Variants in CAMK2G observed in about 807,000 individuals in gnomAD.
CAMK2G encodes the protein calcium/calmodulin dependent protein kinase II gamma.
CAMK2G carries 23 observed loss-of-function variants against 88.7 expected under a neutral mutation model. The ratio of observed to expected loss-of-function variants is 0.26; its 90% CI spans 0.19 to 0.37. CAMK2G has a LOEUF of 0.37. CAMK2G is among the 10% of genes least tolerant of loss of function. The pLI is 1.00. For missense variants in CAMK2G, 476 were observed against 780.8 expected, an observed-to-expected ratio of 0.61 and a Z score of 4.65; for synonymous variants, 263 against 294.8, an observed-to-expected ratio of 0.89 and a Z score of 1.11.
At chr10:73,841,866 T>C (rs2093811529) in intron 12 of CAMK2G, 1 of 335,638 alleles carries the variant, frequency 3.0e-6, no homozygotes, top group East Asian at 6.1e-5. Context: ...GGCTAAAATC[T>C]GTAAAGTGCT....
intron 19 of CAMK2G, chr10:73,818,502 T>A: frequency 2.8e-6 from 1 of 360,624 alleles, no homozygotes; most frequent in Non-Finnish European, 5.5e-6. Flanking sequence ...CCACAACCCT[T>A]TCCTCACAGG....
At chr10:73,843,075 A>AT (rs11354408) in intron 10 of CAMK2G, among the ~76,000 whole-genome samples, 125 of 145,078 alleles carry the variant, frequency 8.6e-4, no homozygotes, top group African/African-American at 1.2e-3. Flanking sequence ...TCTGGATGTA[A>AT]TTTTTTTTTT....
intron 3 of CAMK2G, 146 bp downstream of exon 3, chr10:73,860,684 A>G: frequency 1.5e-6 from 1 of 678,830 alleles, no homozygotes; most frequent in South Asian, 1.8e-5. Flanking sequence ...CAGAATTCTG[A>G]GACACAGTTG....
intron 21 of CAMK2G, chr10:73,816,599 T>G: frequency 1.7e-6 from 1 of 598,756 alleles, no homozygotes; most frequent in South Asian, 1.9e-5. Context: ...TAGCTGGGAC[T>G]ACAGGCACCG....
chr10:73,860,839 G>C lies in CAMK2G; in HGVS notation c.211C>G (p.Pro71Ala). 1 of 1,612,856 alleles carries C rather than the reference G, an allele frequency of 6.2e-7. No individual in the cohort carries two copies. Among genetic ancestry groups the C allele is most frequent in the Non-Finnish European group, 8.5e-7 (1 of 1,178,852 alleles). ...ATGCCCAGGCACTCACCGATGTTTG[G>C]ATGTTTCAGAAGTCGACATATCCGA... is the stretch of plus-strand genomic sequence containing the variant. ...EARICRLLKH[P>A]NIVRLHDSIS... The change falls in exon 3 of 23, where the codon CCA becomes GCA. Residue 71 changes from proline (P) to alanine (A), a missense_variant. Pro to Ala is a conservative substitution (Grantham distance 27, BLOSUM62 -1). Around this residue, in one of 3 missense-constraint regions of CAMK2G, gnomAD observed 164 missense variants for 385.6 expected, o/e 0.43. Transcript: ENST00000423381.
chr10:73,839,579 G>A lies in CAMK2G; in HGVS notation c.969C>T (p.Pro323=), dbSNP rs2093593931. Residue 323 remains proline, a synonymous_variant, in exon 13 of 23, where the codon CCC becomes CCT. Transcript: ENST00000423381. This position sits in a 1 kb window ranked among gnomAD's most constrained non-coding sequence, Gnocchi z 4.2. ...CGGCGGCGCTCGCGGCAGGCGAGGCGGGGGCGGAGCTCTGCCTGCCAACTG... is the reference window on the plus strand; with the variant it reads ...CGGCGGCGCTCGCGGCAGGCGAGGCAGGGGCGGAGCTCTGCCTGCCAACTG... ...NFSVGRQSSA[P]ASPAASAAGL... is the part of the protein sequence containing the mutation. 1.2e-5 allele frequency: 15 copies of A among 1,233,958 alleles called. No individual in the cohort carries two copies. The highest frequency in any genetic ancestry group is 9.5e-5 in the East Asian group (3 of 31,664). The allele number at this position is 1,233,958 out of a possible 1,614,324, so 76.4% of individuals were successfully genotyped here.
chr10:73,828,217 T>G, intron 14 of CAMK2G, 96 bp from the exon 15 acceptor site: 3 of 1,012,568 alleles, frequency 3.0e-6, no homozygotes, highest in African/African-American at 1.6e-5. Flanking sequence ...GTGTGGGCTC[T>G]GCATCAGGGA....
rs142288992 is a variant in CAMK2G at position 73,861,694 on chromosome 10, A to G, written c.161-805T>C. Among the ~76,000 whole-genome samples, 290 of 152,308 alleles carry G rather than the reference A, an allele frequency of 1.9e-3. 1 individual carries two copies. The highest frequency in any genetic ancestry group is 6.7e-3 in the African/African-American group (277 of 41,554). ...TTGTTAGGAACACTAATAATAGCTA[A>G]GTTATACTGAGCACCTAATATATAC... On this transcript the variant is annotated intron_variant, in intron 2 of 22. Coordinates refer to ENST00000423381, the MANE Select transcript of CAMK2G (RefSeq NM_001367534.1).
At chr10:73,864,186 C>T (rs941131777) in intron 2 of CAMK2G, among the ~76,000 whole-genome samples, 1 of 152,040 alleles carries the variant, frequency 6.6e-6, no homozygotes, top group African/African-American at 2.4e-5. Flanking sequence ...CCCATCTCTA[C>T]TAAAAATACA....
chr10:73,835,300 T>C (rs2093057930), intron 14 of CAMK2G, among the ~76,000 whole-genome samples: 1 of 138,010 alleles, frequency 7.2e-6, no homozygotes, highest in African/African-American at 2.8e-5. Flanking sequence ...AGCAGGTATC[T>C]TTTTTTTTTT....
intron 17 of CAMK2G, 97 bp from the exon 18 acceptor site, chr10:73,821,827 T>A: frequency 3.1e-6 from 3 of 960,850 alleles, no homozygotes; most frequent in Non-Finnish European, 4.9e-6. Context: ...CTACAAGAGG[T>A]GCAAGGAGGA....
chr10:73,815,117 G>A lies in CAMK2G; in HGVS notation c.1665C>T (p.Arg555=). The A allele has an allele frequency of 6.2e-7, 1 of 1,614,176 alleles. No homozygotes were observed. The highest frequency in any genetic ancestry group is 8.5e-7 in the Non-Finnish European group (1 of 1,180,012). Residue 555 remains arginine, a synonymous_variant, in exon 22 of 23, where the codon CGC becomes CGT. Coordinates refer to ENST00000423381, the MANE Select transcript of CAMK2G (RefSeq NM_001367534.1). ...CCCGGGTCTCTTCTGACTGGCTGGT[G>A]CGAGGCCGACCCTGCCCGTCGATGT... ...TQYIDGQGRP[R]TSQSEETRVW... is the part of the protein sequence containing the mutation.
intron 14 of CAMK2G, chr10:73,837,198 A>T (rs1337162252): frequency 2.1e-6 from 1 of 484,714 alleles, no homozygotes; most frequent in East Asian, 3.4e-5. Context: ...ATCCGTGTAG[A>T]AGTCAGGTTC....
At chr10:73,864,753 C>T (rs760801161) in intron 2 of CAMK2G, among the ~76,000 whole-genome samples, 14 of 152,166 alleles carry the variant, frequency 9.2e-5, no homozygotes, top group Non-Finnish European at 1.5e-4. Flanking sequence ...CGCCCTTCTC[C>T]TGCCTCAGCC....
At position 73,820,493 on chromosome 10, in the gene CAMK2G, T is replaced by TATATATATATATA. The variant is rs1491202927; in HGVS notation, c.1250-849_1250-848insTATATATATATAT. Reference sequence around the variant, plus strand: ...ATATATATATATATATATATATATATTTTTTTTTTTTTTTTTTTCTTGAGA... The same window carrying TATATATATATATA: ...ATATATATATATATATATATATATATATATATATATATATTTTTTTTTTTTTTTTTTCTTGAGA... On this transcript the variant is annotated intron_variant, in intron 18 of 22. Coordinates refer to ENST00000423381, the MANE Select transcript of CAMK2G (RefSeq NM_001367534.1). Among the ~76,000 whole-genome samples, 12 of 31,262 alleles carry TATATATATATATA rather than the reference T, an allele frequency of 3.8e-4. No homozygotes were observed. In the South Asian group the frequency reaches 5.5e-3, roughly 14 times the overall value. 20.5% of individuals were successfully genotyped at this position (31,262 alleles called of 152,430 possible).
intron 1 of CAMK2G, 57 bp from the exon 2 acceptor site, chr10:73,873,140 A>G: frequency 8.1e-7 from 1 of 1,241,194 alleles, no homozygotes; most frequent in Non-Finnish European, 1.2e-6. Flanking sequence ...TGACACAGAC[A>G]CACTTCAAGT....
chr10:73,840,706 G>C (rs1205734531), intron 12 of CAMK2G, among the ~76,000 whole-genome samples: 2 of 152,244 alleles, frequency 1.3e-5, no homozygotes, highest in African/African-American at 2.4e-5. Context: ...CTGCAAGACA[G>C]GGCCCTTGCT....
Position 73,864,427 on chromosome 10 carries a change from T to C in CAMK2G, c.161-3538A>G, listed in dbSNP as rs116571117. Among the ~76,000 whole-genome samples, 937 of 152,070 alleles carry C rather than the reference T, an allele frequency of 6.2e-3. 9 individuals are homozygous for C. Among genetic ancestry groups the C allele is most frequent in the African/African-American group, 0.021 (885 of 41,472 alleles). On this transcript the variant is annotated intron_variant, in intron 2 of 22. Coordinates refer to ENST00000423381, the MANE Select transcript of CAMK2G (RefSeq NM_001367534.1). ...AGCTGACACTCTAGTGGGTTGTGTA[T>C]GGGGGAGGGATGGACAGTAAGAAAA...
Position 73,839,869 on chromosome 10 carries a change from C to T in CAMK2G, c.947-268G>A, listed in dbSNP as rs2093627812. 6.6e-6 allele frequency among the ~76,000 whole-genome samples: 1 copy of T among 152,186 alleles called. No homozygotes were observed. Among genetic ancestry groups the T allele is most frequent in the South Asian group, 2.1e-4 (1 of 4,828 alleles). On this transcript the variant is annotated intron_variant, in intron 12 of 22. Coordinates refer to ENST00000423381, the MANE Select transcript of CAMK2G (RefSeq NM_001367534.1). The surrounding 1 kb of genome is among the most constrained non-coding windows in gnomAD (Gnocchi z 4.2). ...GCTGCAGTGCCTGTCTCATGACCCCCTCCGGAGGAGGGTCCACAGCGAAAT... is the reference window on the plus strand; with the variant it reads ...GCTGCAGTGCCTGTCTCATGACCCCTTCCGGAGGAGGGTCCACAGCGAAAT...
Sources: gnomAD v4.1 joint callset for allele counts (sites outside exome capture counted in the v4.1 genomes callset) on GRCh38, gnomAD v4.1.1 for gene constraint, gnomAD v4.1.1 regional missense constraint, Gnocchi (gnomAD v3.1) non-coding constraint, MANE v1.5 for transcripts, NCBI Gene and HGNC (gene_info 2026-07-23, HGNC 2026-07-21) for gene names.